The following PPP1R3F variants were observed in gnomAD, a reference collection of about 807,000 sequenced individuals.
PPP1R3F encodes protein phosphatase 1 regulatory subunit 3F.
PPP1R3F carries 29 observed loss-of-function variants against 24.2 expected under a neutral mutation model. The observed-to-expected ratio is 1.20, with a 90% CI of 0.89 to 1.63. PPP1R3F has a LOEUF of 1.63. PPP1R3F is among the 40% of genes most tolerant of loss of function. PPP1R3F has a pLI of 0.00. For missense variants in PPP1R3F, 823 were observed against 729.3 expected (o/e 1.13, Z -1.48); for synonymous variants, 363 against 340.1 (o/e 1.07, Z -0.74).
At chrX:49,274,280 A>G (rs1328647310) in intron 1 of PPP1R3F, 2 of 111,385 alleles carry the variant, frequency 1.8e-5, no homozygotes, top group African/African-American at 6.6e-5. Context: ...GAAGTGTCCT[A>G]TTCTTCTTAA....
At position 49,300,345 on chromosome X, in the gene PPP1R3F, T is replaced by C. The variant is rs1372224061; in HGVS notation, c.393-1006T>C. ...CTTGCCTTCCATGGGCTGCACCCAC[T>C]GTCTAATGAGTCCCAGTGAGATGAG... On this transcript the variant is annotated intron_variant, in intron 3 of 3. Coordinates refer to the PPP1R3F transcript ENST00000471261. Among the ~76,000 whole-genome samples, 9 of 110,825 alleles carry C rather than the reference T, an allele frequency of 8.1e-5. 1 individual carries two copies. Among genetic ancestry groups the C allele is most frequent in the East Asian group, 5.7e-4 (2 of 3,516 alleles).
chrX:49,283,252 A>G (rs1322185120), intron 3 of PPP1R3F, among the ~76,000 whole-genome samples: 1 of 108,715 alleles, frequency 9.2e-6, no homozygotes, highest in Non-Finnish European at 1.9e-5. Context: ...GAAAATTAAG[A>G]ACTCTTTTTT....
At chrX:49,273,776 C>A (rs1557119673) in intron 1 of PPP1R3F, 3 of 112,327 alleles carry the variant, frequency 2.7e-5, no homozygotes, top group African/African-American at 9.7e-5. Flanking sequence ...GGCTGTAGGC[C>A]CTCTGTGCAC....
chrX:49,294,908 C>CA (rs58639270), intron 3 of PPP1R3F, among the ~76,000 whole-genome samples: 2,123 of 44,872 alleles, frequency 0.047, 46 homozygotes, highest in Middle Eastern at 0.089. Flanking sequence ...GAATATGTCT[C>CA]AAAAAAAAAA....
chrX:49,291,792 A>C (rs2066309802), downstream of PPP1R3F, among the ~76,000 whole-genome samples: 2 of 110,314 alleles, frequency 1.8e-5, no homozygotes, highest in African/African-American at 3.3e-5. Context: ...TAGGGCCAGC[A>C]TCTTAGTCTC....
intron 1 of PPP1R3F, among the ~76,000 whole-genome samples, chrX:49,280,373 C>T (rs1176153946): frequency 1.8e-5 from 2 of 110,719 alleles, no homozygotes; most frequent in Admixed American, 9.6e-5. Flanking sequence ...CTCAGCCTCC[C>T]AGGTAGTTGG....
At position 49,286,708 on chromosome X, in the gene PPP1R3F, C is replaced by A; in HGVS notation, c.2018C>A (p.Ala673Asp). The change falls in exon 4 of 4, where the codon GCC becomes GAC. Residue 673 changes from alanine to aspartate, a missense_variant. Coordinates refer to ENST00000055335, the MANE Select transcript of PPP1R3F (RefSeq NM_033215.5). ...TESLGEAGTE[A>D]QIEVTSEWAG... ...TCCCTGGGGGAGGCCGGGACAGAAGCCCAGATAGAGGTCACCAGTGAGTGG... is the reference window on the plus strand; with the variant it reads ...TCCCTGGGGGAGGCCGGGACAGAAGACCAGATAGAGGTCACCAGTGAGTGG... 1 of 1,208,908 alleles carries A rather than the reference C, an allele frequency of 8.3e-7. No homozygotes were observed. Among genetic ancestry groups the A allele is most frequent in the South Asian group, 1.8e-5 (1 of 56,367 alleles).
intron 1 of PPP1R3F, 183 bp from the exon 2 acceptor site, chrX:49,281,223 G>A (rs1268302619): frequency 9.4e-6 from 3 of 319,969 alleles, no homozygotes; most frequent in Non-Finnish European, 1.6e-5. Flanking sequence ...TGTATTTTGC[G>A]AATTTTCTAT....
At chrX:49,273,254 A>G (rs913953616) in intron 1 of PPP1R3F, 1 of 111,369 alleles carries the variant, frequency 9.0e-6, no homozygotes, top group Non-Finnish European at 1.9e-5. Flanking sequence ...AAGATGCGAC[A>G]GTTTGGGTAA....
downstream of PPP1R3F, among the ~76,000 whole-genome samples, chrX:49,291,288 TTC>T (rs781932322): frequency 0.013 from 647 of 50,338 alleles, 5 homozygotes; most frequent in African/African-American, 0.025. Flanking sequence ...CAGCCTACTT[TTC>T]TCTCTCTCTC....
chrX:49,271,951 A>G (rs1323592157), intron 1 of PPP1R3F, among the ~76,000 whole-genome samples: 1 of 112,605 alleles, frequency 8.9e-6, no homozygotes, highest in Non-Finnish European at 1.9e-5. Flanking sequence ...TAAGGGCAGC[A>G]GCTAGTCCTG....
At chrX:49,275,903 C>A (rs1221449368) in intron 1 of PPP1R3F, 1 of 112,375 alleles carries the variant, frequency 8.9e-6, no homozygotes, top group Non-Finnish European at 1.9e-5. Context: ...TTCAGTGCAC[C>A]TATAACTGAA....
chrX:49,277,470 T>C (rs1012565391), intron 1 of PPP1R3F, among the ~76,000 whole-genome samples: 1 of 112,598 alleles, frequency 8.9e-6, no homozygotes, highest in Non-Finnish European at 1.9e-5. Flanking sequence ...ACGTGGTACT[T>C]GTGGGGCTGG....
At chrX:49,278,045 G>A (rs186158314) in intron 1 of PPP1R3F, among the ~76,000 whole-genome samples, 16 of 111,960 alleles carry the variant, frequency 1.4e-4, no homozygotes, top group Admixed American at 3.8e-4. Flanking sequence ...GGATGTTCTC[G>A]CCCTCCTCAG....
chrX:49,273,681 C>T (rs2066195035), intron 1 of PPP1R3F: 1 of 112,329 alleles, frequency 8.9e-6, no homozygotes, highest in Non-Finnish European at 1.9e-5. Flanking sequence ...TGTGACCTAG[C>T]CCTCTTGGGA....
rs1274274514 is a variant in PPP1R3F at position 49,269,946 on chromosome X, C to T, written c.77C>T (p.Thr26Ile). The T allele has an allele frequency of 1.1e-4, 103 of 905,589 alleles. No homozygotes were observed. The highest frequency in any genetic ancestry group is 1.3e-4 in the Non-Finnish European group (95 of 736,087). 74.6% of individuals were successfully genotyped at this position (905,589 alleles called of 1,213,427 possible). ...PPSPAAGEPR[T>I]SVEAAVAPRR... ...TCGCCGGCCGCGGGTGAGCCCCGCA[C>T]CTCGGTCGAGGCGGCGGTGGCCCCG... The change falls in exon 1 of 4, where the codon ACC (threonine) becomes ATC (isoleucine). Residue 26 changes from threonine to isoleucine, a missense_variant. By Grantham distance (89) the Thr-to-Ile change is moderately conservative. Transcript: ENST00000055335.
At chrX:49,284,512 T>TTC (rs2066269563) in intron 3 of PPP1R3F, among the ~76,000 whole-genome samples, 1 of 91,579 alleles carries the variant, frequency 1.1e-5, no homozygotes, top group African/African-American at 4.0e-5. Flanking sequence ...TTTCTTTCTT[T>TTC]TTTTTTTTTT....
At chrX:49,284,499 C>CT (rs2066268636) in intron 3 of PPP1R3F, among the ~76,000 whole-genome samples, 1 of 49,858 alleles carries the variant, frequency 2.0e-5, no homozygotes, top group African/African-American at 7.6e-5. Flanking sequence ...TTTCTTTTTT[C>CT]TTTTTCTTTC....
intron 3 of PPP1R3F, among the ~76,000 whole-genome samples, chrX:49,294,930 G>T (rs1602720590): frequency 1.0e-5 from 1 of 100,336 alleles, no homozygotes. Flanking sequence ...AAAAAAGTAT[G>T]ATCTAAGCTG....
Sources: allele counts gnomAD v4.1 joint callset (sites outside exome capture counted in the v4.1 genomes callset), GRCh38; gene constraint gnomAD v4.1.1; transcripts MANE v1.5; gene names NCBI Gene and HGNC (gene_info 2026-07-23, HGNC 2026-07-21).